Variants in MSH4 observed in about 807,000 individuals in gnomAD.
MSH4 encodes the protein mutS homolog 4.
Under a neutral mutation model 113.7 loss-of-function variants are expected in MSH4, and 106 were observed. The ratio of observed to expected loss-of-function variants is 0.93; its 90% CI spans 0.80 to 1.10. The LOEUF is 1.10. Among genes scored for constraint, MSH4 ranks in the 50% least tolerant of loss-of-function variants. The pLI is 0.00. For synonymous variants in MSH4, 368 were observed against 380.2 expected (o/e 0.97, Z 0.37); for missense variants, 1,061 against 1,093.7 (o/e 0.97, Z 0.42).
intron 7 of MSH4, among the ~76,000 whole-genome samples, chr1:75,831,364 A>C (rs112955616): frequency 2.6e-5 from 4 of 152,156 alleles, no homozygotes; most frequent in African/African-American, 9.7e-5. Context: ...CCCACTGTCA[A>C]CATTAGACAG....
intron 8 of MSH4, among the ~76,000 whole-genome samples, chr1:75,856,786 C>T (rs1049448026): frequency 4.6e-5 from 7 of 152,150 alleles, no homozygotes; most frequent in African/African-American, 1.4e-4. Flanking sequence ...GATTTATAAT[C>T]TTTTGGGTAT....
intron 6 of MSH4, among the ~76,000 whole-genome samples, chr1:75,820,982 A>G (rs1043569198): frequency 1.3e-5 from 2 of 151,754 alleles, no homozygotes; most frequent in African/African-American, 2.4e-5. Flanking sequence ...CACTGTCAAC[A>G]TTAGACAGAT....
chr1:75,844,391 A>G (rs1158609073), intron 7 of MSH4, among the ~76,000 whole-genome samples: 1 of 152,158 alleles, frequency 6.6e-6, no homozygotes, highest in Non-Finnish European at 1.5e-5. Flanking sequence ...CAGTGGCACA[A>G]TCTTGGCTCA....
In MSH4 at chr1:75,876,919, A is replaced by T; in HGVS notation, c.1306-17A>T. 7.0e-7 allele frequency: 1 copy of T among 1,425,514 alleles called. No individual in the cohort carries two copies. The highest frequency in any genetic ancestry group is 2.3e-5 in the Admixed American group (1 of 43,146). 88.3% of individuals were successfully genotyped at this position (1,425,514 alleles called of 1,614,324 possible). On this transcript the variant is annotated splice_polypyrimidine_tract_variant and intron_variant, in intron 9 of 19. Transcript: ENST00000263187. ...GTAATTGATTATCCTTAACTTTTTT[A>T]TTTTATTCTTTAATAGATTGCTATG...
intron 1 of MSH4, among the ~76,000 whole-genome samples, chr1:75,800,676 G>C (rs1461206934): frequency 6.6e-6 from 1 of 152,170 alleles, no homozygotes; most frequent in East Asian, 1.9e-4. Flanking sequence ...CTTATGACTT[G>C]AGTGACAAGG....
intron 13 of MSH4, 148 bp downstream of exon 13, chr1:75,880,301 T>G: frequency 1.8e-6 from 1 of 555,916 alleles, no homozygotes; most frequent in Non-Finnish European, 3.2e-6. Context: ...GTGATTAGAA[T>G]CACTGAGCCT....
In MSH4 at chr1:75,797,074, G is replaced by T. The variant is rs768580249; in HGVS notation, c.89G>T (p.Arg30Leu). The change falls in exon 1 of 20, where the codon CGC becomes CTC. Residue 30 changes from arginine to leucine, a missense_variant. By Grantham distance (102) the Arg-to-Leu change is moderately radical (BLOSUM62 -2). Transcript: ENST00000263187. ...GAAACCCGCTCACCTCAGGGTCCCC[G>T]CTACAATTTCGGACTCCAGGAGACT... The part of the protein sequence containing the change: ...SGETRSPQGP[R>L]YNFGLQETPQ... The T allele has an allele frequency of 3.7e-5, 59 of 1,613,922 alleles. No homozygotes were observed. Among genetic ancestry groups the T allele is most frequent in the Non-Finnish European group, 4.9e-5 (58 of 1,179,924 alleles).
Position 75,851,035 on chromosome 1 carries a change from CTT to C in MSH4, c.1230+2761_1230+2762del, listed in dbSNP as rs370157280. On this transcript the variant is annotated intron_variant, in intron 8 of 19. Coordinates refer to ENST00000263187, the MANE Select transcript of MSH4 (RefSeq NM_002440.4). ...TTTGGTTAGTGTTGCCATGGCATAT[CTT>C]TACCATCCTTTTGCTTTTAACTTAT... Among the ~76,000 whole-genome samples the C allele has an allele frequency of 6.6e-5, 10 of 152,228 alleles. No homozygotes were observed. In the South Asian group the frequency reaches 1.7e-3, roughly 25 times the overall value.
chr1:75,881,538 A>G (rs562491047), intron 14 of MSH4, among the ~76,000 whole-genome samples, 168 bp downstream of exon 14: 2 of 151,896 alleles, frequency 1.3e-5, no homozygotes, highest in African/African-American at 4.8e-5. Flanking sequence ...TACCCTTAAA[A>G]TTTTTTTTGA....
intron 8 of MSH4, 35 bp from the exon 9 acceptor site, chr1:75,867,479 G>C: frequency 9.0e-7 from 1 of 1,110,776 alleles, no homozygotes; most frequent in Non-Finnish European, 1.4e-6. Context: ...AAATATTTAT[G>C]GTGTCCATCC....
At position 75,803,865 on chromosome 1, in the gene MSH4, C is replaced by A; in HGVS notation, c.379C>A (p.Pro127Thr). 6.3e-7 allele frequency: 1 copy of A among 1,597,342 alleles called. No individual in the cohort carries two copies. Among genetic ancestry groups the A allele is most frequent in the Non-Finnish European group, 8.5e-7 (1 of 1,172,904 alleles). ...TLKTPLSTGNPQRSGYKSWTP... is the reference protein window; with the variant it reads ...TLKTPLSTGNTQRSGYKSWTP... ...TAAAACTCCATTGTCTACTGGAAAT[C>A]CTCAGAGATCAGGTTATAAGAGCTG... The change falls in exon 2 of 20, where the codon CCT becomes ACT. Residue 127 changes from proline to threonine, a missense_variant. Pro to Thr is a conservative substitution (Grantham distance 38). Coordinates refer to ENST00000263187, the MANE Select transcript of MSH4 (RefSeq NM_002440.4).
In MSH4 at chr1:75,878,268, T is replaced by G. The variant is rs762213685; in HGVS notation, c.1490T>G (p.Phe497Cys). 1.2e-6 allele frequency: 2 copies of G among 1,605,330 alleles called. No homozygotes were observed. The highest frequency in any genetic ancestry group is 1.1e-5 in the South Asian group (1 of 88,290). ...GCAGTGAGGTCTAACATAAATGAAT[T>G]TCTTGACATAGCAAGAAGAACATAC... ...CYAVRSNINE[F>C]LDIARRTYTE... The change falls in exon 11 of 20, where the codon TTT (phenylalanine) becomes TGT (cysteine). Residue 497 changes from phenylalanine (F) to cysteine (C), a missense_variant. Phe to Cys is a radical substitution (Grantham distance 205). Coordinates refer to ENST00000263187, the MANE Select transcript of MSH4 (RefSeq NM_002440.4).
Position 75,890,722 on chromosome 1 carries a change from T to C in MSH4, c.2253T>C (p.Asn751=). The change falls in exon 17 of 20, where the codon AAT becomes AAC. Residue 751 remains asparagine (N), a synonymous_variant. Transcript: ENST00000263187. ...TAGCATATATTCTACATAATGCTAA[T>C]GACAAATCGCTCATATTAATTGATG... ...KEIAYILHNA[N]DKSLILIDEL... 6.3e-7 allele frequency: 1 copy of C among 1,598,386 alleles called. No individual in the cohort carries two copies. The highest frequency in any genetic ancestry group is 1.7e-5 in the Admixed American group (1 of 58,504).
chr1:75,868,895 A>C (rs773476461), intron 9 of MSH4, among the ~76,000 whole-genome samples: 1 of 152,202 alleles, frequency 6.6e-6, no homozygotes, highest in African/African-American at 2.4e-5. Flanking sequence ...AGTCTTGGGT[A>C]TGTCTTTATT....
rs201893146 is a variant in MSH4, at chr1:75,892,396, T to C, written c.2355+1572T>C. Among the ~76,000 whole-genome samples the C allele has an allele frequency of 2.7e-3, 340 of 124,700 alleles. 1 individual carries two copies. Among genetic ancestry groups the C allele is most frequent in the African/African-American group, 9.8e-3 (324 of 33,050 alleles). The allele number at this position is 124,700 out of a possible 152,430, so 81.8% of individuals were successfully genotyped here. On this transcript the variant is annotated intron_variant, in intron 17 of 19. Transcript: ENST00000263187. ...ATACACACTCTCTCTCTCTCTCTCT[T>C]TCTCTCTCTCACTCTCACTCCTGCC...
chr1:75,818,478 T>G (rs528040392), intron 6 of MSH4, among the ~76,000 whole-genome samples: 32 of 152,222 alleles, frequency 2.1e-4, no homozygotes, highest in Non-Finnish European at 4.3e-4. Context: ...TAAAATGATG[T>G]GGCCAATAAT....
intron 8 of MSH4, among the ~76,000 whole-genome samples, chr1:75,864,362 T>C (rs2100558762): frequency 6.6e-6 from 1 of 152,326 alleles, no homozygotes; most frequent in South Asian, 2.1e-4. Context: ...TACATATGTT[T>C]TTATTTGGTA....
chr1:75,824,342 T>C (rs1251270), intron 7 of MSH4, among the ~76,000 whole-genome samples: 140,663 of 152,232 alleles, frequency 0.92, 65,272 homozygotes, highest in African/African-American at 0.97. Flanking sequence ...TTGTAAATGT[T>C]TTTAAGTTCC....
chr1:75,907,597 C>G (rs759524526), intron 19 of MSH4, among the ~76,000 whole-genome samples: 2 of 148,904 alleles, frequency 1.3e-5, no homozygotes, highest in Non-Finnish European at 3.0e-5. Flanking sequence ...GCATTCTACT[C>G]TTTGCTCTTT....
Sources: gnomAD v4.1 joint callset for allele counts (sites outside exome capture counted in the v4.1 genomes callset) on GRCh38, gnomAD v4.1.1 for gene constraint, MANE v1.5 for transcripts, NCBI Gene and HGNC (gene_info 2026-07-23, HGNC 2026-07-21) for gene names.